PTDSS2: variants seen among roughly 807,000 people sequenced by gnomAD.
The protein encoded by PTDSS2 is PSS-2.
Under a neutral mutation model 64.7 loss-of-function variants are expected in PTDSS2, and 41 were observed. The ratio of observed to expected loss-of-function variants is 0.63; its 90% CI spans 0.49 to 0.82. The LOEUF (loss-of-function observed/expected upper bound fraction) is 0.82, where lower values mean the gene tolerates loss of function less well. Ranked by LOEUF, PTDSS2 falls within the 40% of genes least tolerant of loss-of-function variation. The probability of loss-of-function intolerance (pLI) is 0.00; values close to 1 mark genes in which losing one functional copy is unlikely to be tolerated. For missense variants in PTDSS2, 485 were observed against 650.0 expected, an observed-to-expected ratio of 0.75 and a Z score of 2.76; for synonymous variants, 297 against 277.8, an observed-to-expected ratio of 1.07 and a Z score of -0.69.
In PTDSS2 at chr11:470,537, G is replaced by T. The variant is rs1216030850; in HGVS notation, c.285-3358G>T. 1.3e-5 allele frequency among the ~76,000 whole-genome samples: 2 copies of T among 152,080 alleles called. No homozygotes were observed. The highest frequency in any genetic ancestry group is 3.8e-4 in the East Asian group (2 of 5,196). On this transcript the variant is annotated intron_variant, in intron 2 of 11. Coordinates refer to ENST00000308020, the MANE Select transcript of PTDSS2 (RefSeq NM_030783.3). The surrounding 1 kb of genome is among the most constrained non-coding windows in gnomAD (Gnocchi z 5.3). ...TCAGGGGAGAGCGAAGGAAGTGTAG[G>T]CCTCAGCAGCTGTGTGGCAGCACTG...
Position 490,716 on chromosome 11 carries a change from G to T in PTDSS2, c.*134G>T. The T allele has an allele frequency of 1.1e-6, 1 of 910,480 alleles. No homozygotes were observed. Among genetic ancestry groups the T allele is most frequent in the Non-Finnish European group, 1.6e-6 (1 of 617,742 alleles). 56.4% of individuals were successfully genotyped at this position (910,480 alleles called of 1,614,324 possible). A position where few individuals can be genotyped will look rare whatever the true frequency, so the allele number is the denominator to read the frequency against. On this transcript the variant is annotated 3_prime_UTR_variant, in exon 12 of 12. Coordinates refer to ENST00000308020, the MANE Select transcript of PTDSS2 (RefSeq NM_030783.3). ...TGCTTTTCTCCTGTGCACCTGGCGA[G>T]GCTGAAGGCGAGGGGTGGAGGAGGC...
At chr11:463,429 G>T (rs1846987932) in intron 2 of PTDSS2, 1 of 149,308 alleles carries the variant, frequency 6.7e-6, no homozygotes, top group Admixed American at 6.7e-5. Flanking sequence ...GTTTCACCGT[G>T]TTAGCCAGGT....
At chr11:488,468 G>A in intron 7 of PTDSS2, 61 bp from the exon 8 acceptor site, 1 of 1,460,750 alleles carries the variant, frequency 6.8e-7, no homozygotes, top group Non-Finnish European at 9.6e-7. Context: ...CTCTTCCGGG[G>A]TCCTCCTCGG....
rs1411249695 is a variant in PTDSS2, at chr11:490,536, T to C, written c.1418T>C (p.Leu473Pro). The change falls in exon 12 of 12, where the codon CTG becomes CCG. Residue 473 changes from leucine to proline, a missense_variant. By Grantham distance (98) the Leu-to-Pro change is moderately conservative (BLOSUM62 -3). Around this residue, in one of 3 missense-constraint regions of PTDSS2, gnomAD observed 219 missense variants for 257.3 expected, o/e 0.85. Coordinates refer to ENST00000308020, the MANE Select transcript of PTDSS2 (RefSeq NM_030783.3). ...CCACTGGGGCTGGACGAAGACCTGCTGGGGCCTGGGGTGGCCGAGGGCGAG... is the reference window on the plus strand; with the variant it reads ...CCACTGGGGCTGGACGAAGACCTGCCGGGGCCTGGGGTGGCCGAGGGCGAG... ...QHPLGLDEDL[L>P]GPGVAEGEGA... is the part of the protein sequence containing the mutation. The C allele has an allele frequency of 1.2e-6, 2 of 1,612,108 alleles. No individual in the cohort carries two copies. Among genetic ancestry groups the C allele is most frequent in the Non-Finnish European group, 1.7e-6 (2 of 1,179,520 alleles).
intron 1 of PTDSS2, chr11:451,483 T>C: frequency 2.5e-6 from 1 of 403,750 alleles, no homozygotes; most frequent in South Asian, 1.7e-5. Flanking sequence ...TTGGCTCTTC[T>C]TGACTGCAAG....
intron 1 of PTDSS2, among the ~76,000 whole-genome samples, chr11:453,695 C>G (rs567268248): frequency 6.6e-6 from 1 of 152,370 alleles, no homozygotes; most frequent in South Asian, 2.1e-4. Flanking sequence ...GTGCCCGGTC[C>G]AGGAGCCTCT....
At chr11:450,967 C>CCCCGCCA (rs1199160279) in intron 1 of PTDSS2, among the ~76,000 whole-genome samples, 1 of 151,126 alleles carries the variant, frequency 6.6e-6, no homozygotes, top group Non-Finnish European at 1.5e-5. Flanking sequence ...CAGACCCCTT[C>CCCCGCCA]CCCGCCACCC....
chr11:453,922 T>C (rs1375442749), intron 1 of PTDSS2, among the ~76,000 whole-genome samples: 2 of 152,246 alleles, frequency 1.3e-5, no homozygotes, highest in Non-Finnish European at 2.9e-5. Flanking sequence ...ATTGCCAGGA[T>C]TGATCACAGC....
Position 450,685 on chromosome 11 carries a change from G to A in PTDSS2, c.182+48G>A. On this transcript the variant is annotated intron_variant, in intron 1 of 11. Transcript: ENST00000308020. ...GGGCGGCGAGGGTGCCCTCGACCTGGGGGTTCCGGCACCGCTGGCCTGGGG... is the reference window on the plus strand; with the variant it reads ...GGGCGGCGAGGGTGCCCTCGACCTGAGGGTTCCGGCACCGCTGGCCTGGGG... The A allele has an allele frequency of 2.4e-6, 3 of 1,236,392 alleles. No individual in the cohort carries two copies. The South Asian group carries it at 1.2e-4, about 51-fold the overall frequency. 76.6% of individuals were successfully genotyped at this position (1,236,392 alleles called of 1,614,324 possible). A position where few individuals can be genotyped will look rare whatever the true frequency, so the allele number is the denominator to read the frequency against.
At chr11:464,674 G>GA (rs1385512275) in intron 2 of PTDSS2, among the ~76,000 whole-genome samples, 1 of 152,238 alleles carries the variant, frequency 6.6e-6, no homozygotes. Flanking sequence ...CCGTTGCGTG[G>GA]ACACGGCACC....
Position 489,571 on chromosome 11 carries a change from A to G in PTDSS2, c.970-17A>G. On this transcript the variant is annotated splice_polypyrimidine_tract_variant and intron_variant, in intron 9 of 11. Coordinates refer to ENST00000308020, the MANE Select transcript of PTDSS2 (RefSeq NM_030783.3). ...GGGCGGGGGGCCAGAGCTGGTGCTC[A>G]CCCTCTCCTCCCCTAGTTCCTGTTG... is the stretch of plus-strand genomic sequence containing the variant. The G allele has an allele frequency of 1.2e-6, 2 of 1,606,458 alleles. No individual in the cohort carries two copies. The highest frequency in any genetic ancestry group is 4.5e-5 in the East Asian group (2 of 44,508).
At chr11:488,128 G>A in intron 6 of PTDSS2, 71 bp from the exon 7 acceptor site, 2 of 1,159,332 alleles carry the variant, frequency 1.7e-6, no homozygotes, top group Non-Finnish European at 2.6e-6. Flanking sequence ...CGGGGTGGGG[G>A]CTGCACGCAC....
intron 1 of PTDSS2, among the ~76,000 whole-genome samples, chr11:455,589 T>C (rs1846549875): frequency 6.6e-6 from 1 of 152,178 alleles, no homozygotes; most frequent in Non-Finnish European, 1.5e-5. Flanking sequence ...ACTTCAGACA[T>C]GTGCACCCTT....
intron 1 of PTDSS2, among the ~76,000 whole-genome samples, chr11:452,727 T>C (rs1268441258): frequency 1.3e-5 from 2 of 152,142 alleles, no homozygotes; most frequent in Non-Finnish European, 2.9e-5. Flanking sequence ...GGAAGGAGCT[T>C]CACGCTTCTG....
chr11:455,195 G>T (rs1255083099), intron 1 of PTDSS2, among the ~76,000 whole-genome samples: 1 of 152,198 alleles, frequency 6.6e-6, no homozygotes. Flanking sequence ...CTCCCATTCT[G>T]CATGTGAGCA....
chr11:449,092 G>A (rs1846211932), upstream of PTDSS2, among the ~76,000 whole-genome samples: 1 of 137,934 alleles, frequency 7.2e-6, no homozygotes, highest in African/African-American at 2.8e-5. Flanking sequence ...TTTTGAGACG[G>A]AGTCTCGCTC....
At chr11:474,564 C>T (rs1847633625) in intron 3 of PTDSS2, among the ~76,000 whole-genome samples, 1 of 152,194 alleles carries the variant, frequency 6.6e-6, no homozygotes, top group African/African-American at 2.4e-5. Flanking sequence ...CAGCCACCAC[C>T]CCACCTTATG....
In PTDSS2 at chr11:450,455, C is replaced by A. The variant is rs1846262512; in HGVS notation, c.-1C>A. 8.1e-7 allele frequency: 1 copy of A among 1,227,724 alleles called. No individual in the cohort carries two copies. Among genetic ancestry groups the A allele is most frequent in the East Asian group, 3.2e-5 (1 of 31,004 alleles). The allele number at this position is 1,227,724 out of a possible 1,614,324, so 76.1% of individuals were successfully genotyped here. Reference sequence around the variant, plus strand: ...GCGGAGTGGCTCCGGGCCGAAACGCCATGCGGAGGGGCGAGCGCAGGGACG... The same window carrying A: ...GCGGAGTGGCTCCGGGCCGAAACGCAATGCGGAGGGGCGAGCGCAGGGACG... On this transcript the variant is annotated 5_prime_UTR_variant, in exon 1 of 12. Transcript: ENST00000308020.
At chr11:454,720 G>A (rs1057036316) in intron 1 of PTDSS2, among the ~76,000 whole-genome samples, 3 of 152,132 alleles carry the variant, frequency 2.0e-5, no homozygotes, top group Non-Finnish European at 2.9e-5. Context: ...CAGGAGAATC[G>A]CTTGAACCTG....
Sources: gnomAD v4.1 joint callset for allele counts (sites outside exome capture counted in the v4.1 genomes callset) on GRCh38, gnomAD v4.1.1 for gene constraint, gnomAD v4.1.1 regional missense constraint, Gnocchi (gnomAD v3.1) non-coding constraint, MANE v1.5 for transcripts, NCBI Gene and HGNC (gene_info 2026-07-23, HGNC 2026-07-21) for gene names.